The following AFAP1 variants were observed in gnomAD, a reference collection of about 807,000 sequenced individuals.
The protein encoded by AFAP1 is actin filament associated protein 1, also known as actin filament-associated protein 1.
In AFAP1, 75 loss-of-function variants were observed where a neutral mutation model predicts 93.9. The observed-to-expected ratio is 0.80, with a 90% CI of 0.66 to 0.97. AFAP1 has a LOEUF of 0.97. AFAP1 is among the 50% of genes least tolerant of loss of function. AFAP1 has a pLI of 0.00. For synonymous variants in AFAP1, 517 were observed against 430.7 expected, an observed-to-expected ratio of 1.20 and a Z score of -2.48; for missense variants, 1,201 against 1,050.8, an observed-to-expected ratio of 1.14 and a Z score of -1.98.
At position 7,761,772 on chromosome 4, in the gene AFAP1, G is replaced by C. The variant is rs866547062; in HGVS notation, c.*1993C>G. 1.3e-5 allele frequency: 2 copies of C among 152,264 alleles called. No individual in the cohort carries two copies. Among genetic ancestry groups the C allele is most frequent in the Admixed American group, 6.5e-5 (1 of 15,288 alleles). The allele number at this position is 152,264 out of a possible 1,614,324, so 9.4% of individuals were successfully genotyped here. Reference sequence around the variant, plus strand: ...ATAGAAAATTCATTTTGTGTGATATGAAGTGGGCCCAGCTGCCTGCAATGG... The same window carrying C: ...ATAGAAAATTCATTTTGTGTGATATCAAGTGGGCCCAGCTGCCTGCAATGG... On this transcript the variant is annotated 3_prime_UTR_variant, in exon 18 of 18. Coordinates refer to ENST00000420658, the MANE Select transcript of AFAP1 (RefSeq NM_001134647.2).
intron 1 of AFAP1, among the ~76,000 whole-genome samples, chr4:7,875,595 G>C (rs573990712): frequency 1.3e-5 from 2 of 151,038 alleles, no homozygotes; most frequent in East Asian, 3.9e-4. Flanking sequence ...CTCCAGCCTG[G>C]GTAACAGAGT....
At chr4:7,868,984 AAAG>A (rs894230750) in intron 2 of AFAP1, among the ~76,000 whole-genome samples, 3 of 151,710 alleles carry the variant, frequency 2.0e-5, no homozygotes, top group Non-Finnish European at 2.9e-5. Context: ...AAAAAAGAAA[AAAG>A]AAAAGAAAAG....
Position 7,799,468 on chromosome 4 carries a change from G to T in AFAP1, c.1266+974C>A, listed in dbSNP as rs143424198. Among the ~76,000 whole-genome samples, 328 of 152,316 alleles carry T rather than the reference G, an allele frequency of 2.2e-3. 2 individuals carry two copies. Among genetic ancestry groups the T allele is most frequent in the African/African-American group, 5.9e-3 (244 of 41,574 alleles). The stretch of plus-strand genomic sequence containing the variant: ...CCCAGGCACTCTCTCCTCTGCCGAT[G>T]AGTGTCACTGTGCACGCATGTAGAG... On this transcript the variant is annotated intron_variant, in intron 10 of 17. Coordinates refer to ENST00000420658, the MANE Select transcript of AFAP1 (RefSeq NM_001134647.2).
At chr4:7,817,781 G>C (rs749597953) in intron 7 of AFAP1, among the ~76,000 whole-genome samples, 7 of 143,272 alleles carry the variant, frequency 4.9e-5, no homozygotes, top group South Asian at 4.4e-4. Flanking sequence ...AAAAAAAGCA[G>C]TATAAGAAAC....
chr4:7,885,126 A>G (rs1718072894), intron 1 of AFAP1, among the ~76,000 whole-genome samples: 1 of 152,220 alleles, frequency 6.6e-6, no homozygotes, highest in Admixed American at 6.5e-5. Flanking sequence ...CCTGCTTTTC[A>G]GAAAAATCAC....
intron 16 of AFAP1, among the ~76,000 whole-genome samples, chr4:7,769,433 G>A (rs1483551737): frequency 1.3e-5 from 2 of 152,248 alleles, no homozygotes; most frequent in South Asian, 2.1e-4. Context: ...GGCACTCACG[G>A]CAGCACTGGC....
At chr4:7,936,233 C>T (rs917532924) in intron 1 of AFAP1, among the ~76,000 whole-genome samples, 5 of 152,162 alleles carry the variant, frequency 3.3e-5, no homozygotes, top group African/African-American at 9.7e-5. Context: ...TACAGAGACA[C>T]GTGGCTTTAA....
chr4:7,834,107 A>ACT (rs1212734435), intron 6 of AFAP1, among the ~76,000 whole-genome samples: 1 of 137,062 alleles, frequency 7.3e-6, no homozygotes, highest in African/African-American at 3.2e-5. Flanking sequence ...ACACACACAC[A>ACT]CACACACACA....
intron 2 of AFAP1, 137 bp downstream of exon 2, chr4:7,871,815 C>T (rs1577322954): frequency 1.6e-6 from 2 of 1,247,216 alleles, no homozygotes; most frequent in South Asian, 3.1e-5. Context: ...TGTAAACCCT[C>T]AATGAAAACT....
chr4:7,844,305 C>G (rs1713422383), intron 4 of AFAP1, among the ~76,000 whole-genome samples: 2 of 152,078 alleles, frequency 1.3e-5, no homozygotes, highest in South Asian at 4.1e-4. Context: ...AGAGAGAGCT[C>G]TGTCCCCACC....
chr4:7,932,036 A>ATTTTT (rs1721096794), intron 1 of AFAP1, among the ~76,000 whole-genome samples: 1 of 151,636 alleles, frequency 6.6e-6, no homozygotes, highest in Non-Finnish European at 1.5e-5. Context: ...AATTTTTTGT[A>ATTTTT]TTTTTTAGTA....
intron 1 of AFAP1, among the ~76,000 whole-genome samples, chr4:7,899,964 G>T (rs1168093170): frequency 6.6e-6 from 1 of 152,156 alleles, no homozygotes; most frequent in Non-Finnish European, 1.5e-5. Flanking sequence ...AAAGTACTCA[G>T]GTGCGTTTTG....
At chr4:7,799,966 T>G (rs923019748) in intron 10 of AFAP1, among the ~76,000 whole-genome samples, 1 of 152,170 alleles carries the variant, frequency 6.6e-6, no homozygotes, top group Non-Finnish European at 1.5e-5. Context: ...CTATAAGGCA[T>G]TCAGATGGCC....
intron 9 of AFAP1, among the ~76,000 whole-genome samples, chr4:7,802,990 A>T (rs1193567541): frequency 6.6e-6 from 1 of 152,220 alleles, no homozygotes; most frequent in East Asian, 1.9e-4. Context: ...ATCAACTATC[A>T]TATCTGAGCA....
In AFAP1 at chr4:7,936,525, G is replaced by T. The variant is rs182282419; in HGVS notation, c.-3+3131C>A. Among the ~76,000 whole-genome samples, 21 of 150,370 alleles carry T rather than the reference G, an allele frequency of 1.4e-4. 1 individual carries two copies. Among genetic ancestry groups the T allele is most frequent in the African/African-American group, 4.7e-4 (19 of 40,660 alleles). ...AAAGAATTAATTACCATATTCCTTA[G>T]AACTATAGCTCCTCTATAGGTCATT... On this transcript the variant is annotated intron_variant, in intron 1 of 17. Coordinates refer to ENST00000420658, the MANE Select transcript of AFAP1 (RefSeq NM_001134647.2).
intron 13 of AFAP1, among the ~76,000 whole-genome samples, chr4:7,780,660 A>ATTTT (rs1164707282): frequency 7.1e-6 from 1 of 141,716 alleles, no homozygotes; most frequent in Admixed American, 7.0e-5. Flanking sequence ...TTTTTTTTTA[A>ATTTT]AAAGGCCTAA....
chr4:7,774,912 GAAAA>G lies in AFAP1; in HGVS notation c.1898-13_1898-10del. 1 of 1,590,476 alleles carries G rather than the reference GAAAA, an allele frequency of 6.3e-7. No homozygotes were observed. Among genetic ancestry groups the G allele is most frequent in the Non-Finnish European group, 8.5e-7 (1 of 1,172,692 alleles). ...CTTGTACTGGGCAGCATCTTGAGAA[GAAAA>G]AAAAGCAGCAATTAAAAATTAGGTT... On this transcript the variant is annotated splice_polypyrimidine_tract_variant and intron_variant, in intron 14 of 17. Transcript: ENST00000420658.
At chr4:7,769,051 G>T in intron 16 of AFAP1, 43 bp from the exon 17 acceptor site, 1 of 1,541,072 alleles carries the variant, frequency 6.5e-7, no homozygotes, top group Non-Finnish European at 8.8e-7. Context: ...CGGTTTCTGG[G>T]CCACTGGTAT....
intron 2 of AFAP1, among the ~76,000 whole-genome samples, chr4:7,869,177 AGAG>A (rs1716793195): frequency 6.6e-6 from 1 of 151,200 alleles, no homozygotes; most frequent in Non-Finnish European, 1.5e-5. Flanking sequence ...AGAAAAGAAA[AGAG>A]AAAAGAAAAG....
Sources: gnomAD v4.1 joint callset for allele counts (sites outside exome capture counted in the v4.1 genomes callset) on GRCh38, gnomAD v4.1.1 for gene constraint, MANE v1.5 for transcripts, NCBI Gene and HGNC (gene_info 2026-07-23, HGNC 2026-07-21) for gene names.